ANKDD1B: variants seen among roughly 807,000 people sequenced by gnomAD.
ANKDD1B encodes the protein ankyrin repeat and death domain containing 1B.
In ANKDD1B, 57 loss-of-function variants were observed where a neutral mutation model predicts 59.7. The observed-to-expected ratio is 0.95, with a 90% CI of 0.77 to 1.19. The LOEUF (loss-of-function observed/expected upper bound fraction) is 1.19, where lower values mean the gene tolerates loss of function less well. ANKDD1B is among the 50% of genes most tolerant of loss of function. The pLI is 0.00. For synonymous variants in ANKDD1B, 216 were observed against 239.5 expected, an observed-to-expected ratio of 0.90 and a Z score of 0.91; for missense variants, 602 against 641.9, an observed-to-expected ratio of 0.94 and a Z score of 0.67.
chr5:75,659,542 G>A (rs1775063783), intron 10 of ANKDD1B, among the ~76,000 whole-genome samples, 161 bp downstream of exon 10: 1 of 152,176 alleles, frequency 6.6e-6, no homozygotes, highest in Non-Finnish European at 1.5e-5. Context: ...AATTTTGGTT[G>A]AGCTATGTCA....
At chr5:75,617,150 A>G in intron 2 of ANKDD1B, among the ~76,000 whole-genome samples, 1 of 152,096 alleles carries the variant, frequency 6.6e-6, no homozygotes, top group Non-Finnish European at 1.5e-5. Flanking sequence ...CTATCTGTTC[A>G]AAGTCTGTGG....
chr5:75,629,958 G>A (rs978879119), intron 5 of ANKDD1B, among the ~76,000 whole-genome samples: 3 of 152,056 alleles, frequency 2.0e-5, no homozygotes, highest in African/African-American at 7.2e-5. Flanking sequence ...AATAGACATC[G>A]AGTTAATAGA....
At chr5:75,631,325 C>T (rs1173564654) in intron 5 of ANKDD1B, among the ~76,000 whole-genome samples, 2 of 152,138 alleles carry the variant, frequency 1.3e-5, no homozygotes, top group Non-Finnish European at 2.9e-5. Flanking sequence ...TCCTTGCAAA[C>T]TAAATAAAGA....
intron 5 of ANKDD1B, among the ~76,000 whole-genome samples, chr5:75,626,771 C>T (rs1489895928): frequency 6.8e-6 from 1 of 147,582 alleles, no homozygotes; most frequent in Non-Finnish European, 1.5e-5. Flanking sequence ...GAATATCTCC[C>T]TCTAGGCCTT....
chr5:75,654,552 T>C (rs1055472359), intron 8 of ANKDD1B, among the ~76,000 whole-genome samples: 2 of 152,084 alleles, frequency 1.3e-5, no homozygotes, highest in Non-Finnish European at 1.5e-5. Flanking sequence ...CAGTGGTGCA[T>C]GCCTGTAGCC....
intron 7 of ANKDD1B, among the ~76,000 whole-genome samples, chr5:75,639,557 T>A (rs1774408857): frequency 1.3e-5 from 2 of 152,204 alleles, no homozygotes; most frequent in African/African-American, 4.8e-5. Context: ...GCCTGGAATA[T>A]AATTTTCCCA....
At chr5:75,630,802 TTTC>T (rs1774131220) in intron 5 of ANKDD1B, among the ~76,000 whole-genome samples, 2 of 152,364 alleles carry the variant, frequency 1.3e-5, no homozygotes, top group African/African-American at 4.8e-5. Context: ...CAGCTCTTTC[TTTC>T]TTCATTTCTT....
In ANKDD1B at chr5:75,655,932, G is replaced by A. The variant is rs78290269; in HGVS notation, c.898-97G>A. 6.4e-3 allele frequency: 3,984 copies of A among 620,600 alleles called. 19 individuals carry two copies. The highest frequency in any genetic ancestry group is 7.7e-3 in the Non-Finnish European group (2,710 of 351,868). The allele number at this position is 620,600 out of a possible 1,614,324, so 38.4% of individuals were successfully genotyped here. A position where few individuals can be genotyped will look rare whatever the true frequency, so the allele number is the denominator to read the frequency against. On this transcript the variant is annotated intron_variant, in intron 8 of 13. Coordinates refer to ENST00000601380, the MANE Select transcript of ANKDD1B (RefSeq NM_001276713.2). ...TGGGATGGGCAGTTTCGGTACTTGGGAGATCATCAGGAAATAGCTGCTGAA... is the reference window on the plus strand; with the variant it reads ...TGGGATGGGCAGTTTCGGTACTTGGAAGATCATCAGGAAATAGCTGCTGAA...
intron 7 of ANKDD1B, among the ~76,000 whole-genome samples, chr5:75,649,108 G>T (rs189973646): frequency 1.3e-5 from 2 of 151,460 alleles, no homozygotes; most frequent in Non-Finnish European, 2.9e-5. Context: ...GCTTTTGTAG[G>T]TCCTAAAAAC....
At chr5:75,641,556 C>G (rs532498003) in intron 7 of ANKDD1B, among the ~76,000 whole-genome samples, 177 of 152,268 alleles carry the variant, frequency 1.2e-3, no homozygotes, top group Admixed American at 2.3e-3. Context: ...CATATATATA[C>G]CAACACTGTA....
At chr5:75,631,246 T>C (rs1017543537) in intron 5 of ANKDD1B, among the ~76,000 whole-genome samples, 4 of 152,236 alleles carry the variant, frequency 2.6e-5, no homozygotes, top group Middle Eastern at 3.2e-3. Flanking sequence ...TCTCTGTGCA[T>C]AAAGAGCTAA....
intron 9 of ANKDD1B, among the ~76,000 whole-genome samples, chr5:75,657,634 C>T (rs1775009306): frequency 6.6e-6 from 1 of 152,020 alleles, no homozygotes; most frequent in African/African-American, 2.4e-5. Flanking sequence ...TGGGGCCGGG[C>T]GTGGTGGCTC....
At chr5:75,643,589 G>A (rs1194080500) in intron 7 of ANKDD1B, among the ~76,000 whole-genome samples, 1 of 42,482 alleles carries the variant, frequency 2.4e-5, no homozygotes, top group Non-Finnish European at 3.7e-5. Flanking sequence ...AAGAAATATG[G>A]GACTATGTGA....
chr5:75,648,089 C>G (rs2111980077), intron 7 of ANKDD1B, among the ~76,000 whole-genome samples: 1 of 82,440 alleles, frequency 1.2e-5, no homozygotes, highest in South Asian at 4.2e-4. Context: ...ATATCACACT[C>G]TGGGGACTGT....
chr5:75,661,414 A>AAAAAAAAAAAAAAAAAAAAAAAAAAAAAG (rs1471501853), intron 10 of ANKDD1B, among the ~76,000 whole-genome samples: 1 of 131,422 alleles, frequency 7.6e-6, no homozygotes, highest in African/African-American at 3.5e-5. Context: ...AAAAAAAAAA[A>AAAAAAAAAAAAAAAAAAAAAAAAAAAAAG]AAAAAAAAAA....
At position 75,641,386 on chromosome 5, in the gene ANKDD1B, CAA is replaced by C. The variant is rs533485681; in HGVS notation, c.798+5509_798+5510del. 1.1e-3 allele frequency among the ~76,000 whole-genome samples: 164 copies of C among 152,228 alleles called. 1 individual carries two copies. The highest frequency in any genetic ancestry group is 7.4e-3 in the Admixed American group (113 of 15,296). On this transcript the variant is annotated intron_variant, in intron 7 of 13. Transcript: ENST00000601380. ...AATTAATTGTAATGAAAACTCATGA[CAA>C]AAAATTTGAATAGCACCAAAGGGTA... is the stretch of plus-strand genomic sequence containing the variant.
chr5:75,631,386 C>G (rs1345828492), intron 5 of ANKDD1B, among the ~76,000 whole-genome samples: 1 of 152,200 alleles, frequency 6.6e-6, no homozygotes, highest in Non-Finnish European at 1.5e-5. Flanking sequence ...AAAATTACCT[C>G]TAATTGGTAA....
rs1435214701 is a variant in ANKDD1B, at chr5:75,649,182, T to G, written c.799-3960T>G. Among the ~76,000 whole-genome samples the G allele has an allele frequency of 2.8e-5, 4 of 141,720 alleles. No homozygotes were observed. In the East Asian group the frequency reaches 5.8e-4, roughly 21 times the overall value. The allele number at this position is 141,720 out of a possible 152,430, so 93.0% of individuals were successfully genotyped here. A position where few individuals can be genotyped will look rare whatever the true frequency, so the allele number is the denominator to read the frequency against. ...ATTTAAGTGCTCCCACATTCCTCTT[T>G]ACTTTTTTTTTTTTTTTTTGCTGGT... On this transcript the variant is annotated intron_variant, in intron 7 of 13. Coordinates refer to ENST00000601380, the MANE Select transcript of ANKDD1B (RefSeq NM_001276713.2).
intron 9 of ANKDD1B, among the ~76,000 whole-genome samples, chr5:75,658,759 A>C (rs1775040287): frequency 6.6e-6 from 1 of 152,226 alleles, no homozygotes; most frequent in Non-Finnish European, 1.5e-5. Flanking sequence ...TATTTTTAAA[A>C]AATCTTCGAA....
Sources: allele counts gnomAD v4.1 joint callset (sites outside exome capture counted in the v4.1 genomes callset), GRCh38; gene constraint gnomAD v4.1.1; transcripts MANE v1.5; gene names NCBI Gene and HGNC (gene_info 2026-07-23, HGNC 2026-07-21).